Variants in SGCZ observed in about 807,000 individuals in gnomAD.
SGCZ encodes the protein sarcoglycan zeta, also known as zeta-sarcoglycan.
In SGCZ, 40 loss-of-function variants were observed where a neutral mutation model predicts 41.3. The ratio of observed to expected loss-of-function variants is 0.97; its 90% CI spans 0.75 to 1.26. The LOEUF is 1.26. SGCZ is among the 50% of genes most tolerant of loss of function. The pLI, the probability that SGCZ is intolerant of heterozygous loss-of-function variation, is 0.00. For synonymous variants in SGCZ, 206 were observed against 137.5 expected (o/e 1.50, Z -3.49); for missense variants, 552 against 369.8 (o/e 1.49, Z -4.04).
chr8:14,615,118 G>A (rs777185916), intron 1 of SGCZ, among the ~76,000 whole-genome samples: 3 of 152,218 alleles, frequency 2.0e-5, no homozygotes, highest in African/African-American at 7.2e-5. Flanking sequence ...TGACAGTAAA[G>A]GAGAAACATT....
At chr8:15,167,263 T>C (rs1306860548) in intron 1 of SGCZ, among the ~76,000 whole-genome samples, 1 of 152,264 alleles carries the variant, frequency 6.6e-6, no homozygotes, top group East Asian at 1.9e-4. Flanking sequence ...ACCAAGGCTT[T>C]GACTGGATAG....
At chr8:14,446,356 T>G in intron 2 of SGCZ, among the ~76,000 whole-genome samples, 1 of 152,208 alleles carries the variant, frequency 6.6e-6, no homozygotes, top group East Asian at 1.9e-4. Flanking sequence ...AAACAATATG[T>G]AACATTTCTG....
chr8:14,613,215 TG>T (rs918312509), intron 1 of SGCZ, among the ~76,000 whole-genome samples: 9 of 152,172 alleles, frequency 5.9e-5, no homozygotes, highest in African/African-American at 2.2e-4. Context: ...ATTTTTATAA[TG>T]TTTTAAATAG....
intron 2 of SGCZ, among the ~76,000 whole-genome samples, chr8:14,333,861 T>C (rs1032530036): frequency 3.9e-5 from 6 of 152,134 alleles, no homozygotes; most frequent in African/African-American, 4.8e-5. Context: ...GTCTCAAAAA[T>C]AGGTGATTAA....
chr8:14,712,241 C>T (rs1278309641), intron 1 of SGCZ, among the ~76,000 whole-genome samples: 1 of 152,186 alleles, frequency 6.6e-6, no homozygotes, highest in African/African-American at 2.4e-5. Flanking sequence ...AAAGTATTCC[C>T]CCTCTCCCTC....
At chr8:14,493,042 T>A (rs1029684295) in intron 2 of SGCZ, among the ~76,000 whole-genome samples, 2 of 152,144 alleles carry the variant, frequency 1.3e-5, no homozygotes, top group East Asian at 1.9e-4. Context: ...CTCTCCCTGA[T>A]TGTCTCTCCA....
At chr8:14,892,994 T>C (rs1805069737) in intron 1 of SGCZ, among the ~76,000 whole-genome samples, 1 of 152,170 alleles carries the variant, frequency 6.6e-6, no homozygotes, top group Non-Finnish European at 1.5e-5. Context: ...GAGCATATGG[T>C]AGGCAGAAGA....
At chr8:15,229,320 C>A (rs1031979744) in intron 1 of SGCZ, among the ~76,000 whole-genome samples, 1 of 152,062 alleles carries the variant, frequency 6.6e-6, no homozygotes, top group South Asian at 2.1e-4. Context: ...ACTGTATAAA[C>A]ATTTATTACC....
chr8:14,105,185 C>CAAAG (rs1334003386), intron 6 of SGCZ, among the ~76,000 whole-genome samples: 1 of 151,784 alleles, frequency 6.6e-6, no homozygotes, highest in African/African-American at 2.4e-5. Flanking sequence ...AAGAAAAATT[C>CAAAG]AAAGAAAATC....
rs1247565522 is a variant in SGCZ, at chr8:14,217,633, T to G, written c.424+19959A>C. 1.3e-4 allele frequency among the ~76,000 whole-genome samples: 17 copies of G among 127,632 alleles called. 2 individuals carry two copies. The highest frequency in any genetic ancestry group is 1.1e-3 in the Admixed American group (14 of 12,742). 83.7% of individuals were successfully genotyped at this position (127,632 alleles called of 152,430 possible). A position where few individuals can be genotyped will look rare whatever the true frequency, so the allele number is the denominator to read the frequency against. ...AACATTTAAATTCAACTAAAGTTTT[T>G]TTTTTTTTTTTTTTTTTTGAGACAG... On this transcript the variant is annotated intron_variant, in intron 4 of 7. Transcript: ENST00000382080.
intron 3 of SGCZ, among the ~76,000 whole-genome samples, chr8:14,256,355 A>G (rs1463208617): frequency 6.6e-6 from 1 of 151,616 alleles, no homozygotes; most frequent in African/African-American, 2.4e-5. Flanking sequence ...GAAAAAGTGC[A>G]CTTTAACACC....
chr8:14,157,336 CTGTG>C (rs71209015), intron 5 of SGCZ, among the ~76,000 whole-genome samples: 14,478 of 138,602 alleles, frequency 0.1, 865 homozygotes, highest in Middle Eastern at 0.2. Context: ...ATATATGCCT[CTGTG>C]TGTGTGTGTG....
At chr8:14,310,327 G>T (rs1801493606) in intron 3 of SGCZ, among the ~76,000 whole-genome samples, 1 of 152,008 alleles carries the variant, frequency 6.6e-6, no homozygotes, top group Non-Finnish European at 1.5e-5. Flanking sequence ...TTAATTTTGT[G>T]CAGTCTTTGG....
chr8:15,177,008 A>AT (rs1800019001), intron 1 of SGCZ, among the ~76,000 whole-genome samples: 1 of 152,240 alleles, frequency 6.6e-6, no homozygotes, highest in African/African-American at 2.4e-5. Context: ...TTCAAAAAAA[A>AT]GAAAAAGAAA....
chr8:14,408,093 T>C (rs7827220), intron 2 of SGCZ, among the ~76,000 whole-genome samples: 20,468 of 151,734 alleles, frequency 0.13, 3,012 homozygotes, highest in African/African-American at 0.36. Flanking sequence ...TCACATTCTC[T>C]AACTACCTCT....
intron 5 of SGCZ, among the ~76,000 whole-genome samples, chr8:14,160,236 G>A (rs1361360149): frequency 6.6e-6 from 1 of 152,096 alleles, no homozygotes; most frequent in African/African-American, 2.4e-5. Flanking sequence ...ACAATTCTAC[G>A]GGGCTGATGT....
intron 1 of SGCZ, among the ~76,000 whole-genome samples, chr8:15,100,941 A>G (rs986097844): frequency 2.6e-5 from 4 of 152,092 alleles, no homozygotes; most frequent in African/African-American, 9.7e-5. Context: ...GCATTACTGC[A>G]CTGTAGCCCA....
intron 3 of SGCZ, among the ~76,000 whole-genome samples, chr8:14,297,914 A>T (rs1298817508): frequency 6.6e-6 from 1 of 152,082 alleles, no homozygotes; most frequent in African/African-American, 2.4e-5. Context: ...AATGGTGATA[A>T]TACAACTAGA....
chr8:14,339,422 A>G (rs1802622351), intron 2 of SGCZ, among the ~76,000 whole-genome samples: 1 of 152,236 alleles, frequency 6.6e-6, no homozygotes, highest in South Asian at 2.1e-4. Context: ...ACAAATTATG[A>G]TGTTTAATGG....
Sources: gnomAD v4.1 joint callset for allele counts (sites outside exome capture counted in the v4.1 genomes callset) on GRCh38, gnomAD v4.1.1 for gene constraint, MANE v1.5 for transcripts, NCBI Gene and HGNC (gene_info 2026-07-23, HGNC 2026-07-21) for gene names.